Variants in ITPR2 observed in about 807,000 individuals in gnomAD.
ITPR2 encodes inositol 1,4,5-trisphosphate receptor type 2, also known as inositol 1,4,5-trisphosphate-gated calcium channel ITPR2.
A neutral mutation model predicts 317.1 loss-of-function variants in ITPR2; 207 were observed. That is an observed-to-expected ratio of 0.65 (90% CI 0.58 to 0.73). The LOEUF is 0.73. Among genes scored for constraint, ITPR2 ranks in the 30% least tolerant of loss-of-function variants. The pLI, the probability that ITPR2 is intolerant of heterozygous loss-of-function variation, is 0.00. For missense variants in ITPR2, 2,613 were observed against 3,284.0 expected (o/e 0.80, Z 4.99); for synonymous variants, 1,156 against 1,149.1 (o/e 1.01, Z -0.12).
chr12:26,424,108 G>C (rs987541141), intron 49 of ITPR2, among the ~76,000 whole-genome samples: 5 of 152,120 alleles, frequency 3.3e-5, no homozygotes, highest in African/African-American at 1.2e-4. Flanking sequence ...ACCATAAAAA[G>C]AATGTTTTAC....
intron 55 of ITPR2, among the ~76,000 whole-genome samples, chr12:26,346,773 A>T (rs769318008): frequency 1.3e-5 from 2 of 152,126 alleles, no homozygotes; most frequent in Non-Finnish European, 2.9e-5. Flanking sequence ...CTTACCAAAA[A>T]ACTAGCTATA....
At chr12:26,390,710 T>C (rs925977209) in intron 54 of ITPR2, among the ~76,000 whole-genome samples, 1 of 152,162 alleles carries the variant, frequency 6.6e-6, no homozygotes, top group African/African-American at 2.4e-5. Context: ...CACTGAATTG[T>C]ACATATTAAA....
At chr12:26,785,670 C>T (rs1234296480) in intron 2 of ITPR2, among the ~76,000 whole-genome samples, 4 of 30,556 alleles carry the variant, frequency 1.3e-4, no homozygotes, top group African/African-American at 1.9e-4. Flanking sequence ...GTCAGCCCCC[C>T]GCCCGGCCAG....
At chr12:26,447,396 T>C (rs1240769195) in intron 45 of ITPR2, among the ~76,000 whole-genome samples, 1 of 152,074 alleles carries the variant, frequency 6.6e-6, no homozygotes, top group African/African-American at 2.4e-5. Flanking sequence ...TTCTGATAGA[T>C]TGTAAGCTAT....
chr12:26,621,859 T>C (rs566810057), intron 25 of ITPR2, among the ~76,000 whole-genome samples: 6 of 152,340 alleles, frequency 3.9e-5, no homozygotes, highest in African/African-American at 1.4e-4. Context: ...TTCGTTTTTT[T>C]GGATTTATGC....
intron 16 of ITPR2, among the ~76,000 whole-genome samples, chr12:26,658,761 T>A (rs1018931475): frequency 6.6e-6 from 1 of 152,224 alleles, no homozygotes; most frequent in South Asian, 2.1e-4. Flanking sequence ...CGGCTTCTAT[T>A]TTCTCATCTC....
intron 2 of ITPR2, among the ~76,000 whole-genome samples, chr12:26,785,533 C>T (rs1349389214): frequency 2.0e-5 from 1 of 49,082 alleles, no homozygotes; most frequent in Non-Finnish European, 5.5e-5. Context: ...GCCCGGCCAG[C>T]CGCCCCGTCC....
In ITPR2 at chr12:26,546,046, TTC is replaced by T. The variant is rs1369821405; in HGVS notation, c.5073+4199_5073+4200del. ...GAATTGCTTTAGCTATAATTTTTTATTCTGTCCTTAGTAAACATGAAAATTAA... is the reference window on the plus strand; with the variant it reads ...GAATTGCTTTAGCTATAATTTTTTATTGTCCTTAGTAAACATGAAAATTAA... On this transcript the variant is annotated intron_variant, in intron 37 of 56. Transcript: ENST00000381340. Among the ~76,000 whole-genome samples the T allele has an allele frequency of 3.9e-5, 6 of 152,364 alleles. No homozygotes were observed. In the East Asian group the frequency reaches 1.2e-3, roughly 29 times the overall value.
At chr12:26,552,547 A>C (rs377757524) in intron 36 of ITPR2, among the ~76,000 whole-genome samples, 5 of 152,292 alleles carry the variant, frequency 3.3e-5, no homozygotes, top group East Asian at 3.9e-4. Context: ...AATGAAAGTA[A>C]CACTGATGTC....
intron 37 of ITPR2, among the ~76,000 whole-genome samples, chr12:26,526,623 A>G (rs772279764): frequency 1.3e-5 from 2 of 152,032 alleles, no homozygotes; most frequent in Non-Finnish European, 2.9e-5. Context: ...TACAACTGTT[A>G]CTCTATGAAA....
At chr12:26,791,971 A>G (rs560559055) in intron 1 of ITPR2, among the ~76,000 whole-genome samples, 125 of 152,296 alleles carry the variant, frequency 8.2e-4, no homozygotes, top group African/African-American at 2.9e-3. Context: ...AATGACACTG[A>G]CATTCTATTC....
intron 2 of ITPR2, among the ~76,000 whole-genome samples, chr12:26,784,653 G>A (rs1950178318): frequency 6.6e-6 from 1 of 151,572 alleles, no homozygotes. Flanking sequence ...GCTCAATGGT[G>A]CCCAGGCTGG....
intron 37 of ITPR2, among the ~76,000 whole-genome samples, chr12:26,518,234 T>C (rs1943577886): frequency 6.6e-6 from 1 of 152,200 alleles, no homozygotes; most frequent in South Asian, 2.1e-4. Context: ...TGGATGGAGC[T>C]GGAGGCCATT....
chr12:26,395,339 T>A lies in ITPR2; in HGVS notation c.7696+3537A>T, dbSNP rs114674807. 3.7e-3 allele frequency among the ~76,000 whole-genome samples: 559 copies of A among 152,270 alleles called. 4 individuals carry two copies. Among genetic ancestry groups the A allele is most frequent in the African/African-American group, 0.013 (529 of 41,566 alleles). The stretch of plus-strand genomic sequence containing the variant: ...AATTTGTTGATGACAGTTATTGTGA[T>A]GTTTAAAGGAATTTATAGGTGACTG... On this transcript the variant is annotated intron_variant, in intron 54 of 56. Transcript: ENST00000381340.
At chr12:26,660,421 G>A (rs1947470828) in intron 15 of ITPR2, among the ~76,000 whole-genome samples, 1 of 152,168 alleles carries the variant, frequency 6.6e-6, no homozygotes. Flanking sequence ...CATGGGACTG[G>A]TGAGCTTCTC....
intron 13 of ITPR2, among the ~76,000 whole-genome samples, chr12:26,675,211 G>T (rs1442691312): frequency 6.6e-6 from 1 of 152,082 alleles, no homozygotes; most frequent in African/African-American, 2.4e-5. Context: ...ATACCCAAAG[G>T]ACTATAAATC....
chr12:26,753,208 G>GTT (rs1045955418), intron 2 of ITPR2, among the ~76,000 whole-genome samples: 23 of 152,168 alleles, frequency 1.5e-4, no homozygotes, highest in Non-Finnish European at 2.8e-4. Context: ...ACTTAGGATG[G>GTT]TTAGAGTCCC....
intron 37 of ITPR2, among the ~76,000 whole-genome samples, chr12:26,544,783 T>C (rs185442542): frequency 1.1e-4 from 17 of 152,230 alleles, no homozygotes; most frequent in Non-Finnish European, 1.8e-4. Context: ...TTAATTCTGA[T>C]AAATCTCCTG....
intron 16 of ITPR2, among the ~76,000 whole-genome samples, chr12:26,658,515 C>G (rs916681153): frequency 2.0e-5 from 3 of 152,184 alleles, no homozygotes; most frequent in Admixed American, 6.5e-5. Context: ...AGAGCACACG[C>G]CTAATGAAAA....
Sources: allele counts gnomAD v4.1 joint callset (sites outside exome capture counted in the v4.1 genomes callset), GRCh38; gene constraint gnomAD v4.1.1; transcripts MANE v1.5; gene names NCBI Gene and HGNC (gene_info 2026-07-23, HGNC 2026-07-21).